The following MARK4 variants were observed in gnomAD, a reference collection of about 807,000 sequenced individuals.
MARK4 encodes microtubule affinity regulating kinase 4, also known as MAP/microtubule affinity-regulating kinase 4.
A neutral mutation model predicts 81.5 loss-of-function variants in MARK4; 19 were observed. That is an observed-to-expected ratio of 0.23 (90% CI 0.16 to 0.34). The LOEUF is 0.34. Ranked by LOEUF, MARK4 falls within the 10% of genes least tolerant of loss-of-function variation. The pLI is 1.00. For synonymous variants in MARK4, 436 were observed against 439.0 expected (o/e 0.99, Z 0.08); for missense variants, 772 against 1,058.8 (o/e 0.73, Z 3.76).
At chr19:45,282,090 G>A (rs1970682592) in intron 12 of MARK4, among the ~76,000 whole-genome samples, 1 of 151,910 alleles carries the variant, frequency 6.6e-6, no homozygotes, top group East Asian at 1.9e-4. Context: ...GGGCGTGTTG[G>A]TGCGTGCCTA....
chr19:45,300,940 C>T (rs1473316549), intron 16 of MARK4, among the ~76,000 whole-genome samples: 1 of 152,030 alleles, frequency 6.6e-6, no homozygotes, highest in Admixed American at 6.6e-5. Flanking sequence ...GCGGCCCCAC[C>T]GGAACAAGGG....
In MARK4 at chr19:45,304,453, T is replaced by C. The variant is rs907527485; in HGVS notation, c.*1743T>C. The C allele has an allele frequency of 6.6e-6, 1 of 152,224 alleles. No individual in the cohort carries two copies. Among genetic ancestry groups the C allele is most frequent in the Non-Finnish European group, 1.5e-5 (1 of 68,048 alleles). The allele number at this position is 152,224 out of a possible 1,614,324, so 9.4% of individuals were successfully genotyped here. On this transcript the variant is annotated 3_prime_UTR_variant, in exon 17 of 17. Transcript: ENST00000262891. ...ATGGGAGCTGGACAGATTATAGTGG[T>C]TGAAGTCTGTGCAGTACAGAAGGGC...
At chr19:45,260,389 C>CAAAA (rs35221473) in intron 2 of MARK4, among the ~76,000 whole-genome samples, 1 of 110,914 alleles carries the variant, frequency 9.0e-6, no homozygotes, top group Admixed American at 1.0e-4. Flanking sequence ...GACTTTGTCT[C>CAAAA]AAAAAAAAAA....
At chr19:45,276,398 A>C (rs1970597927) in intron 8 of MARK4, among the ~76,000 whole-genome samples, 1 of 152,076 alleles carries the variant, frequency 6.6e-6, no homozygotes, top group Admixed American at 6.6e-5. Context: ...CTTATTTTTC[A>C]CAGCTTTGGT....
chr19:45,267,727 C>A (rs1251941709), intron 7 of MARK4, among the ~76,000 whole-genome samples: 1 of 152,192 alleles, frequency 6.6e-6, no homozygotes, highest in East Asian at 1.9e-4. Context: ...ATGTTTCCAT[C>A]ACAGCTCACT....
chr19:45,301,967 A>G (rs1185791614), intron 16 of MARK4, among the ~76,000 whole-genome samples: 2 of 152,178 alleles, frequency 1.3e-5, no homozygotes, highest in Non-Finnish European at 2.9e-5. Context: ...CTATGCGGTC[A>G]TTCAGGTCCC....
chr19:45,265,490 A>G (rs1052606353), intron 6 of MARK4, among the ~76,000 whole-genome samples: 16 of 150,646 alleles, frequency 1.1e-4, no homozygotes, highest in Non-Finnish European at 2.1e-4. Flanking sequence ...CCAGGTGTGT[A>G]AGAGTGTGGG....
Position 45,258,997 on chromosome 19 carries a change from C to T in MARK4, c.60C>T (p.Thr20=). The T allele has an allele frequency of 6.2e-7, 1 of 1,612,544 alleles. No homozygotes were observed. Among genetic ancestry groups the T allele is most frequent in the East Asian group, 2.2e-5 (1 of 44,886 alleles). Residue 20 remains threonine, a synonymous_variant, in exon 2 of 17, where the codon ACC becomes ACT. Transcript: ENST00000262891. ...GNDRNSDTHG[T]LGSGRSSDKG... Reference sequence around the variant, plus strand: ...CCATCTCCCCCGCCCAGCATGGCACCTTGGGCAGTGGCCGCTCCTCGGACA... The same window carrying T: ...CCATCTCCCCCGCCCAGCATGGCACTTTGGGCAGTGGCCGCTCCTCGGACA...
At position 45,302,248 on chromosome 19, in the gene MARK4, CAG is replaced by C. The variant is rs1970984963; in HGVS notation, c.1923-125_1923-124del. On this transcript the variant is annotated intron_variant, in intron 16 of 16. Coordinates refer to ENST00000262891, the MANE Select transcript of MARK4 (RefSeq NM_001199867.2). The surrounding 1 kb of genome is among the most constrained non-coding windows in gnomAD (Gnocchi z 4.9). ...CCAGTTGAAACTGTCGCTGGGGTAACAGGGGAAGATGTTTTTTGAGGGGATGG... is the reference window on the plus strand; with the variant it reads ...CCAGTTGAAACTGTCGCTGGGGTAACGGGAAGATGTTTTTTGAGGGGATGG... 6 of 1,548,706 alleles carry C rather than the reference CAG, an allele frequency of 3.9e-6. No individual in the cohort carries two copies. Among genetic ancestry groups the C allele is most frequent in the Admixed American group, 3.7e-5 (2 of 54,278 alleles).
intron 14 of MARK4, among the ~76,000 whole-genome samples, chr19:45,296,595 C>G (rs1041418285): frequency 3.9e-5 from 6 of 152,240 alleles, no homozygotes; most frequent in African/African-American, 1.4e-4. Flanking sequence ...GAAATGTAGT[C>G]TCTGGCTGGG....
Position 45,287,608 on chromosome 19 carries a change from C to T in MARK4, c.1438C>T (p.His480Tyr), listed in dbSNP as rs1403582046. The T allele has an allele frequency of 1.3e-6, 2 of 1,596,764 alleles. No homozygotes were observed. The highest frequency in any genetic ancestry group is 1.7e-5 in the Admixed American group (1 of 58,736). ...PPSSPMVSSAHNPNKAEIPER... is the reference protein window; with the variant it reads ...PPSSPMVSSAYNPNKAEIPER... Reference sequence around the variant, plus strand: ...CTCCAGCCCCATGGTCAGCAGCGCCCACAACCCCAACAAGGCAGAGATCCC... The same window carrying T: ...CTCCAGCCCCATGGTCAGCAGCGCCTACAACCCCAACAAGGCAGAGATCCC... The change falls in exon 13 of 17, where the codon CAC (histidine) becomes TAC (tyrosine). Residue 480 changes from histidine (H) to tyrosine (Y), a missense_variant. His to Tyr is a moderately conservative substitution (Grantham distance 83, BLOSUM62 2). Coordinates refer to ENST00000262891, the MANE Select transcript of MARK4 (RefSeq NM_001199867.2).
rs1281736456 is a variant in MARK4, at chr19:45,302,747, C to A, written c.*37C>A. 3 of 1,534,300 alleles carry A rather than the reference C, an allele frequency of 2.0e-6. No homozygotes were observed. Among genetic ancestry groups the A allele is most frequent in the South Asian group, 2.4e-5 (2 of 83,844 alleles). ...CCCAGGGCCCTTACTCTTCCTCTCCCTTGTCGCCTTCACTTCTACAGGAGG... is the reference window on the plus strand; with the variant it reads ...CCCAGGGCCCTTACTCTTCCTCTCCATTGTCGCCTTCACTTCTACAGGAGG... On this transcript the variant is annotated 3_prime_UTR_variant, in exon 17 of 17. Coordinates refer to ENST00000262891, the MANE Select transcript of MARK4 (RefSeq NM_001199867.2). The surrounding 1 kb of genome is among the most constrained non-coding windows in gnomAD (Gnocchi z 4.9).
At chr19:45,294,874 G>A (rs1252866993) in intron 14 of MARK4, among the ~76,000 whole-genome samples, 1 of 152,098 alleles carries the variant, frequency 6.6e-6, no homozygotes, top group Non-Finnish European at 1.5e-5. Context: ...AGAGGGAAGG[G>A]ATTGGTTCAC....
chr19:45,254,025 G>A (rs1970276596), intron 1 of MARK4, among the ~76,000 whole-genome samples: 1 of 152,150 alleles, frequency 6.6e-6, no homozygotes, highest in Non-Finnish European at 1.5e-5. Flanking sequence ...CTGCCTGTCA[G>A]TCCTGGTGGG....
At chr19:45,275,318 C>T (rs990217562) in intron 8 of MARK4, among the ~76,000 whole-genome samples, 4 of 152,100 alleles carry the variant, frequency 2.6e-5, no homozygotes, top group Non-Finnish European at 5.9e-5. Context: ...CACATCTCTA[C>T]AAAAAATATT....
chr19:45,278,466 G>C (rs1970629999), intron 9 of MARK4, 50 bp from the exon 10 acceptor site: 1 of 1,506,400 alleles, frequency 6.6e-7, no homozygotes, highest in Admixed American at 1.7e-5. Context: ...TATGATTTCT[G>C]GTTCCTTCTG....
At chr19:45,273,077 C>T (rs1970550506) in intron 8 of MARK4, among the ~76,000 whole-genome samples, 1 of 150,640 alleles carries the variant, frequency 6.6e-6, no homozygotes, top group Admixed American at 6.7e-5. Flanking sequence ...CTGGCCTGTG[C>T]TATGCTGGGG....
intron 13 of MARK4, among the ~76,000 whole-genome samples, chr19:45,292,018 G>T (rs1970826487): frequency 6.6e-6 from 1 of 152,232 alleles, no homozygotes; most frequent in African/African-American, 2.4e-5. Context: ...GCAAAGATTG[G>T]CAGAACCCAA....
intron 1 of MARK4, 71 bp downstream of exon 1, chr19:45,251,710 C>A (rs1164341188): frequency 1.1e-5 from 15 of 1,379,838 alleles, no homozygotes; most frequent in Non-Finnish European, 1.5e-5. Context: ...CCGTTGTACC[C>A]CTCGCCCCGC....
Sources: allele counts gnomAD v4.1 joint callset (sites outside exome capture counted in the v4.1 genomes callset), GRCh38; gene constraint gnomAD v4.1.1; non-coding constraint Gnocchi (gnomAD v3.1); transcripts MANE v1.5; gene names NCBI Gene and HGNC (gene_info 2026-07-23, HGNC 2026-07-21).